FAT3: variants seen among roughly 807,000 people sequenced by gnomAD.
FAT3 encodes FAT atypical cadherin 3.
In FAT3, 95 loss-of-function variants were observed where a neutral mutation model predicts 310.2. The ratio of observed to expected loss-of-function variants is 0.31; its 90% CI spans 0.26 to 0.36. FAT3 has a LOEUF of 0.36. Ranked by LOEUF, FAT3 falls within the 10% of genes least tolerant of loss-of-function variation. The pLI, the probability that FAT3 is intolerant of heterozygous loss-of-function variation, is 1.00. For synonymous variants in FAT3, 2,314 were observed against 2,192.9 expected (o/e 1.06, Z -1.54); for missense variants, 5,408 against 5,715.6 (o/e 0.95, Z 1.74).
intron 2 of FAT3, among the ~76,000 whole-genome samples, chr11:92,390,005 A>G (rs1249723530): frequency 6.6e-6 from 1 of 151,186 alleles, no homozygotes; most frequent in Non-Finnish European, 1.5e-5. Context: ...GTGGAAGCAA[A>G]AGAAAAAAGC....
intron 1 of FAT3, among the ~76,000 whole-genome samples, chr11:92,264,286 A>C (rs534383840): frequency 2.0e-5 from 3 of 152,212 alleles, no homozygotes; most frequent in Admixed American, 2.0e-4. Flanking sequence ...ATACTTTAAG[A>C]CTCCAATTCT....
chr11:92,610,801 C>G (rs1940527357), intron 3 of FAT3, among the ~76,000 whole-genome samples: 1 of 152,208 alleles, frequency 6.6e-6, no homozygotes. Flanking sequence ...ATCCTGCTCA[C>G]TTACAGTGCC....
At chr11:92,247,834 T>C (rs1864983603) in intron 1 of FAT3, among the ~76,000 whole-genome samples, 1 of 151,770 alleles carries the variant, frequency 6.6e-6, no homozygotes, top group African/African-American at 2.4e-5. Context: ...TAGGGCATTG[T>C]GGCATGAGCC....
chr11:92,478,494 T>C (rs1197701786), intron 2 of FAT3, among the ~76,000 whole-genome samples: 43 of 152,186 alleles, frequency 2.8e-4, no homozygotes, highest in Non-Finnish European at 2.9e-5. Flanking sequence ...ACTCAGGAGA[T>C]GATATAGGGT....
intron 13 of FAT3, among the ~76,000 whole-genome samples, chr11:92,830,591 T>C (rs1215436588): frequency 1.3e-5 from 2 of 152,078 alleles, no homozygotes; most frequent in African/African-American, 4.8e-5. Flanking sequence ...AGCTTGGCCC[T>C]CTCCTCTGAA....
chr11:92,762,557 G>A (rs1262334661), intron 5 of FAT3, among the ~76,000 whole-genome samples: 4 of 152,070 alleles, frequency 2.6e-5, no homozygotes, highest in East Asian at 1.9e-4. Context: ...ACATGTCCCC[G>A]AGACTTCCCA....
At position 92,623,512 on chromosome 11, in the gene FAT3, G is replaced by C. The variant is rs184070833; in HGVS notation, c.3608-73872G>C. 3.0e-3 allele frequency among the ~76,000 whole-genome samples: 457 copies of C among 152,302 alleles called. 3 individuals carry two copies. Among genetic ancestry groups the C allele is most frequent in the African/African-American group, 0.01 (434 of 41,556 alleles). ...TGTTATATATACTGAAAAGAGAATG[G>C]AAATATGCATGTTGATGTTATATGA... On this transcript the variant is annotated intron_variant, in intron 3 of 27. Coordinates refer to ENST00000525166, the MANE Select transcript of FAT3 (RefSeq NM_001367949.2).
chr11:92,461,871 C>G (rs1252957481), intron 2 of FAT3, among the ~76,000 whole-genome samples: 2 of 152,148 alleles, frequency 1.3e-5, no homozygotes, highest in African/African-American at 4.8e-5. Context: ...ACAGCAGCCT[C>G]TATCATGGTA....
intron 3 of FAT3, among the ~76,000 whole-genome samples, chr11:92,553,692 C>CCTTCCTTCCTTCCTTCCTTCCTTCCTTG (rs1954902111): frequency 1.7e-5 from 1 of 58,346 alleles, no homozygotes; most frequent in Admixed American, 2.3e-4. Context: ...TTCCTTCCTT[C>CCTTCCTTCCTTCCTTCCTTCCTTCCTTG]CTTCCTTCCT....
chr11:92,889,118 G>A (rs905683752), intron 25 of FAT3, 71 bp from the exon 26 acceptor site: 16 of 641,864 alleles, frequency 2.5e-5, no homozygotes, highest in African/African-American at 2.0e-4. Flanking sequence ...TTAAAATAAG[G>A]TGTGTTTAAA....
intron 2 of FAT3, chr11:92,408,211 T>G (rs1356919941): frequency 6.6e-6 from 1 of 152,112 alleles, no homozygotes; most frequent in Non-Finnish European, 1.5e-5. Context: ...ATCTGAGGTG[T>G]CTCTTTTCCT....
intron 1 of FAT3, among the ~76,000 whole-genome samples, chr11:92,348,583 G>A (rs1236018605): frequency 2.0e-5 from 3 of 152,164 alleles, no homozygotes; most frequent in Non-Finnish European, 4.4e-5. Context: ...AGAAAAGGAA[G>A]ATGACTCCAA....
intron 7 of FAT3, among the ~76,000 whole-genome samples, chr11:92,788,439 C>G (rs945841404): frequency 6.6e-6 from 1 of 152,088 alleles, no homozygotes; most frequent in Non-Finnish European, 1.5e-5. Context: ...CCTAACTTTC[C>G]TATATGAAAT....
intron 3 of FAT3, among the ~76,000 whole-genome samples, chr11:92,630,719 G>A (rs1941526872): frequency 6.6e-6 from 1 of 152,144 alleles, no homozygotes; most frequent in Admixed American, 6.6e-5. Context: ...TCTCCTCTGT[G>A]TCTCAGCTTC....
At chr11:92,238,287 T>C (rs1864520184) in intron 1 of FAT3, among the ~76,000 whole-genome samples, 1 of 152,156 alleles carries the variant, frequency 6.6e-6, no homozygotes, top group African/African-American at 2.4e-5. Context: ...CTTGTTTAAA[T>C]GTGAAACATA....
At chr11:92,843,706 T>C (rs1189390307) in intron 18 of FAT3, among the ~76,000 whole-genome samples, 1 of 152,208 alleles carries the variant, frequency 6.6e-6, no homozygotes, top group African/African-American at 2.4e-5. Context: ...CCGGCTTTAT[T>C]GTGTTGATAC....
chr11:92,226,871 T>C (rs1863932968), intron 1 of FAT3, among the ~76,000 whole-genome samples: 1 of 152,076 alleles, frequency 6.6e-6, no homozygotes, highest in Admixed American at 6.5e-5. Flanking sequence ...ACCGCGGTAA[T>C]GATTGAAGTC....
chr11:92,306,635 T>G (rs1591082143), intron 1 of FAT3, among the ~76,000 whole-genome samples: 1 of 122,260 alleles, frequency 8.2e-6, no homozygotes, highest in Admixed American at 1.1e-4. Context: ...TATATTTATA[T>G]TATATATATT....
chr11:92,829,102 A>G (rs556651049), intron 13 of FAT3, among the ~76,000 whole-genome samples: 1 of 152,232 alleles, frequency 6.6e-6, no homozygotes, highest in East Asian at 1.9e-4. Flanking sequence ...GAAAAGGAAA[A>G]ATTTCCAAGC....
Sources: allele counts gnomAD v4.1 joint callset (sites outside exome capture counted in the v4.1 genomes callset), GRCh38; gene constraint gnomAD v4.1.1; transcripts MANE v1.5; gene names NCBI Gene and HGNC (gene_info 2026-07-23, HGNC 2026-07-21).